CWC27: variants seen among roughly 807,000 people sequenced by gnomAD.
CWC27 encodes CWC27 spliceosome associated cyclophilin, also known as spliceosome-associated protein CWC27 homolog.
CWC27 carries 47 observed loss-of-function variants against 63.6 expected under a neutral mutation model. The ratio of observed to expected loss-of-function variants is 0.74; its 90% CI spans 0.58 to 0.94. The LOEUF (loss-of-function observed/expected upper bound fraction) is 0.94, where lower values mean the gene tolerates loss of function less well. Among genes scored for constraint, CWC27 ranks in the 40% least tolerant of loss-of-function variants. The pLI, the probability that CWC27 is intolerant of heterozygous loss-of-function variation, is 0.00. For synonymous variants in CWC27, 175 were observed against 179.8 expected (o/e 0.97, Z 0.22); for missense variants, 495 against 554.3 (o/e 0.89, Z 1.07).
intron 10 of CWC27, chr5:64,808,167 A>G (rs1744755986): frequency 3.3e-5 from 34 of 1,015,666 alleles, no homozygotes; most frequent in Non-Finnish European, 4.0e-5. Context: ...CCTGTCCTAC[A>G]CATTTTTAAT....
chr5:65,011,500 C>T (rs1433429887), intron 13 of CWC27, among the ~76,000 whole-genome samples: 1 of 152,084 alleles, frequency 6.6e-6, no homozygotes, highest in African/African-American at 2.4e-5. Flanking sequence ...AGAGTGCAGG[C>T]GTTTGTTCAG....
At position 64,781,902 on chromosome 5, in the gene CWC27, A is replaced by AT; in HGVS notation, c.140-14dup. The stretch of plus-strand genomic sequence containing the variant: ...GATTAATTTTAGACATTGATAAATT[A>AT]TTTTTATTTTTTTTTCAGCTTATTA... On this transcript the variant is annotated intron_variant, in intron 2 of 13. Coordinates refer to ENST00000381070, the MANE Select transcript of CWC27 (RefSeq NM_005869.4). 1 of 1,292,598 alleles carries AT rather than the reference A, an allele frequency of 7.7e-7. No individual in the cohort carries two copies. The highest frequency in any genetic ancestry group is 1.1e-6 in the Non-Finnish European group (1 of 903,896). 80.1% of individuals were successfully genotyped at this position (1,292,598 alleles called of 1,614,324 possible). A position where few individuals can be genotyped will look rare whatever the true frequency, so the allele number is the denominator to read the frequency against.
chr5:64,909,331 T>G lies in CWC27; in HGVS notation c.1042+23785T>G, dbSNP rs188936833. ...TGTCAGTCTGATGGGCTTCCCTTTG[T>G]AGGTAACCCAACCTTTCTCTCTGGC... On this transcript the variant is annotated intron_variant, in intron 11 of 13. Transcript: ENST00000381070. Among the ~76,000 whole-genome samples, 440 of 152,280 alleles carry G rather than the reference T, an allele frequency of 2.9e-3. 5 individuals are homozygous for G. The highest frequency in any genetic ancestry group is 0.01 in the African/African-American group (417 of 41,556).
Position 64,931,657 on chromosome 5 carries a change from A to T in CWC27, c.1043-40046A>T, listed in dbSNP as rs182609462. On this transcript the variant is annotated intron_variant, in intron 11 of 13. Transcript: ENST00000381070. The stretch of plus-strand genomic sequence containing the variant: ...TTTATTTCTCCCCCTTCCCAAAACT[A>T]CTCACGACTCAGAAGTATGTTTCCT... 2.0e-3 allele frequency among the ~76,000 whole-genome samples: 310 copies of T among 151,954 alleles called. 1 individual carries two copies. Among genetic ancestry groups the T allele is most frequent in the Non-Finnish European group, 3.8e-3 (255 of 67,862 alleles).
chr5:64,978,497 C>T (rs778720773), intron 13 of CWC27, among the ~76,000 whole-genome samples: 10 of 152,014 alleles, frequency 6.6e-5, no homozygotes, highest in Non-Finnish European at 1.2e-4. Flanking sequence ...GTGCCAAAGG[C>T]GAAGGCTCAG....
chr5:64,778,833 T>C (rs1234114918), intron 2 of CWC27, among the ~76,000 whole-genome samples: 1 of 152,194 alleles, frequency 6.6e-6, no homozygotes, highest in African/African-American at 2.4e-5. Context: ...TAGGGAGCTC[T>C]TGTAAATGCA....
chr5:64,845,176 G>A (rs1286275863), intron 10 of CWC27, among the ~76,000 whole-genome samples: 1 of 152,086 alleles, frequency 6.6e-6, no homozygotes. Flanking sequence ...CTCCCAACAA[G>A]CTCTGACTCC....
At chr5:64,789,349 T>C (rs896429722) in intron 7 of CWC27, among the ~76,000 whole-genome samples, 1 of 152,106 alleles carries the variant, frequency 6.6e-6, no homozygotes, top group Non-Finnish European at 1.5e-5. Flanking sequence ...ATTACTGATA[T>C]AAACAGTCAC....
rs558954299 is a variant in CWC27, at chr5:64,909,119, AT to A, written c.1042+23577del. Among the ~76,000 whole-genome samples, 46 of 152,190 alleles carry A rather than the reference AT, an allele frequency of 3.0e-4. 1 individual carries two copies. The highest frequency in any genetic ancestry group is 5.6e-4 in the Non-Finnish European group (38 of 68,016). ...CTCAGCATTTGCTTGTCTATAAAGG[AT>A]TTTATTTCTCCTTCACTTATGAAGT... is the stretch of plus-strand genomic sequence containing the variant. On this transcript the variant is annotated intron_variant, in intron 11 of 13. Coordinates refer to ENST00000381070, the MANE Select transcript of CWC27 (RefSeq NM_005869.4).
At chr5:64,811,461 TTTA>T (rs1231870809) in intron 10 of CWC27, among the ~76,000 whole-genome samples, 2 of 152,064 alleles carry the variant, frequency 1.3e-5, no homozygotes, top group African/African-American at 4.8e-5. Context: ...ATTCTAAATT[TTTA>T]TTGTGATTCT....
intron 7 of CWC27, among the ~76,000 whole-genome samples, chr5:64,798,506 GA>G (rs1358034516): frequency 1.3e-5 from 2 of 152,128 alleles, no homozygotes; most frequent in Non-Finnish European, 2.9e-5. Context: ...GTAAGTTTAT[GA>G]AATTAGATAT....
chr5:64,922,949 A>G (rs1748025464), intron 11 of CWC27, among the ~76,000 whole-genome samples: 1 of 152,170 alleles, frequency 6.6e-6, no homozygotes. Flanking sequence ...GACTGGGTCC[A>G]TGGCTTTGCC....
intron 13 of CWC27, among the ~76,000 whole-genome samples, chr5:65,002,520 T>C (rs1332894796): frequency 6.6e-6 from 1 of 152,194 alleles, no homozygotes; most frequent in Non-Finnish European, 1.5e-5. Context: ...CAAGTTTATT[T>C]TCTCCTTAAT....
chr5:64,936,347 A>G (rs144205645), intron 11 of CWC27, among the ~76,000 whole-genome samples: 2 of 152,194 alleles, frequency 1.3e-5, no homozygotes, highest in African/African-American at 2.4e-5. Context: ...TTCTGCATCT[A>G]TTGAGATAAT....
chr5:64,815,389 AATG>A (rs1744997498), intron 10 of CWC27, among the ~76,000 whole-genome samples: 1 of 152,214 alleles, frequency 6.6e-6, no homozygotes, highest in East Asian at 1.9e-4. Flanking sequence ...GTGATGAAGG[AATG>A]ATATGCTGGC....
At chr5:64,866,399 G>T (rs1746531518) in intron 10 of CWC27, among the ~76,000 whole-genome samples, 1 of 152,084 alleles carries the variant, frequency 6.6e-6, no homozygotes, top group African/African-American at 2.4e-5. Flanking sequence ...TAGGCTATAA[G>T]AATAACTGTA....
At chr5:64,980,681 C>T (rs1310484473) in intron 13 of CWC27, among the ~76,000 whole-genome samples, 1 of 152,124 alleles carries the variant, frequency 6.6e-6, no homozygotes, top group Admixed American at 6.5e-5. Context: ...TTTCTCTCCC[C>T]TCCGTCACTT....
chr5:64,860,862 A>G (rs1048905546), intron 10 of CWC27, among the ~76,000 whole-genome samples: 1 of 152,218 alleles, frequency 6.6e-6, no homozygotes, highest in Non-Finnish European at 1.5e-5. Context: ...ATAACTATAC[A>G]TTATAGTATA....
intron 7 of CWC27, among the ~76,000 whole-genome samples, chr5:64,790,272 C>A (rs1321401496): frequency 2.6e-5 from 4 of 152,122 alleles, no homozygotes; most frequent in Non-Finnish European, 1.5e-5. Flanking sequence ...GATGTCAAAA[C>A]TAAATTCATT....
Sources: allele counts gnomAD v4.1 joint callset (sites outside exome capture counted in the v4.1 genomes callset), GRCh38; gene constraint gnomAD v4.1.1; transcripts MANE v1.5; gene names NCBI Gene and HGNC (gene_info 2026-07-23, HGNC 2026-07-21).